Variants in GMPR observed in about 807,000 individuals in gnomAD.
GMPR encodes the protein guanosine monophosphate reductase.
In GMPR, 31 loss-of-function variants were observed where a neutral mutation model predicts 38.4. That is an observed-to-expected ratio of 0.81 (90% confidence interval 0.61 to 1.09). GMPR has a LOEUF of 1.09. Ranked by LOEUF, GMPR falls within the 50% of genes least tolerant of loss-of-function variation. The pLI, the probability that GMPR is intolerant of heterozygous loss-of-function variation, is 0.00. For missense variants in GMPR, 468 were observed against 453.7 expected, an observed-to-expected ratio of 1.03 and a Z score of -0.29; for synonymous variants, 162 against 173.3, an observed-to-expected ratio of 0.93 and a Z score of 0.51.
At chr6:16,260,087 G>C (rs895164284) in intron 4 of GMPR, among the ~76,000 whole-genome samples, 1 of 152,064 alleles carries the variant, frequency 6.6e-6, no homozygotes, top group Non-Finnish European at 1.5e-5. Context: ...GCTCAAATAG[G>C]CTGTACTTTG....
At chr6:16,250,494 C>T (rs1758850884) in intron 3 of GMPR, 127 bp downstream of exon 3, 1 of 677,450 alleles carries the variant, frequency 1.5e-6, no homozygotes, top group Admixed American at 2.3e-5. Context: ...AGCCCTGTGC[C>T]ATTGCCAGGG....
At chr6:16,272,308 G>T (rs576365484) in intron 4 of GMPR, among the ~76,000 whole-genome samples, 32 of 152,340 alleles carry the variant, frequency 2.1e-4, no homozygotes, top group Non-Finnish European at 3.7e-4. Context: ...TATATTTACA[G>T]TTCTGCACTG....
chr6:16,271,486 C>A (rs562897830), intron 4 of GMPR, among the ~76,000 whole-genome samples: 32 of 152,166 alleles, frequency 2.1e-4, no homozygotes, highest in Non-Finnish European at 3.7e-4. Context: ...GACCCTGTCT[C>A]AAAAAGAAAA....
chr6:16,276,930 G>A (rs968696532), intron 5 of GMPR, among the ~76,000 whole-genome samples: 2 of 152,194 alleles, frequency 1.3e-5, no homozygotes, highest in East Asian at 3.8e-4. Context: ...GTTATTTGAA[G>A]CTTCTTCCTT....
intron 3 of GMPR, among the ~76,000 whole-genome samples, chr6:16,250,822 G>T (rs1044643855): frequency 6.6e-6 from 1 of 151,588 alleles, no homozygotes; most frequent in African/African-American, 2.4e-5. Context: ...TGGGAGGATT[G>T]CTTGAACCCA....
chr6:16,258,322 TG>T (rs761809557), intron 4 of GMPR, among the ~76,000 whole-genome samples: 1 of 152,202 alleles, frequency 6.6e-6, no homozygotes, highest in African/African-American at 2.4e-5. Flanking sequence ...AGTTCACAGC[TG>T]GGCCTGCTGA....
intron 7 of GMPR, among the ~76,000 whole-genome samples, chr6:16,289,068 G>T (rs538578410): frequency 1.3e-5 from 2 of 152,138 alleles, no homozygotes; most frequent in Non-Finnish European, 2.9e-5. Flanking sequence ...TCTTTGGGAG[G>T]GTGATTTGTT....
intron 5 of GMPR, among the ~76,000 whole-genome samples, chr6:16,277,546 C>A (rs1219896601): frequency 6.6e-6 from 1 of 152,212 alleles, no homozygotes; most frequent in Non-Finnish European, 1.5e-5. Context: ...GTGGGTGACT[C>A]ATTCATTCTT....
intron 8 of GMPR, among the ~76,000 whole-genome samples, chr6:16,293,528 T>A (rs1759878082): frequency 6.6e-6 from 1 of 152,162 alleles, no homozygotes; most frequent in Admixed American, 6.5e-5. Flanking sequence ...CTTTTGAAAT[T>A]CTAGATAATG....
intron 4 of GMPR, among the ~76,000 whole-genome samples, chr6:16,261,375 C>T (rs1759082988): frequency 6.7e-6 from 1 of 150,008 alleles, no homozygotes; most frequent in African/African-American, 2.4e-5. Context: ...CAGTACAGCC[C>T]AGGTAATTTG....
chr6:16,265,824 ATGGAGG>A (rs1216465634), intron 4 of GMPR, among the ~76,000 whole-genome samples: 1 of 151,262 alleles, frequency 6.6e-6, no homozygotes, highest in East Asian at 1.9e-4. Flanking sequence ...CTTCCACGCC[ATGGAGG>A]TTTTCTTCGT....
intron 3 of GMPR, among the ~76,000 whole-genome samples, chr6:16,250,580 C>T (rs983861691): frequency 3.9e-5 from 6 of 152,194 alleles, no homozygotes; most frequent in Admixed American, 3.9e-4. Context: ...TCTGTTTTCC[C>T]CTGAAAGATG....
At chr6:16,243,753 A>C (rs1470929129) in intron 1 of GMPR, among the ~76,000 whole-genome samples, 1 of 152,150 alleles carries the variant, frequency 6.6e-6, no homozygotes, top group Non-Finnish European at 1.5e-5. Flanking sequence ...CCTGTGGGCT[A>C]TGCTGTTCCT....
At chr6:16,274,696 C>A (rs921745956) in intron 5 of GMPR, among the ~76,000 whole-genome samples, 200 bp downstream of exon 5, 1 of 151,904 alleles carries the variant, frequency 6.6e-6, no homozygotes, top group African/African-American at 2.4e-5. Flanking sequence ...TTTGATGCCC[C>A]CAGGGATTTT....
At chr6:16,247,097 T>C (rs1411735757) in intron 2 of GMPR, 136 bp downstream of exon 2, 1 of 774,766 alleles carries the variant, frequency 1.3e-6, no homozygotes, top group Non-Finnish European at 2.0e-6. Context: ...TGTCTTTCCC[T>C]TCAATCAGAA....
intron 4 of GMPR, among the ~76,000 whole-genome samples, chr6:16,258,726 T>C (rs936714392): frequency 2.6e-5 from 4 of 152,252 alleles, no homozygotes; most frequent in African/African-American, 9.6e-5. Flanking sequence ...CCTCCAGTAC[T>C]TTTATGTCCT....
intron 5 of GMPR, 101 bp downstream of exon 5, chr6:16,274,597 C>A: frequency 1.4e-6 from 1 of 706,174 alleles, no homozygotes. Flanking sequence ...ATGAATGACT[C>A]ATTCACAGAT....
intron 2 of GMPR, among the ~76,000 whole-genome samples, chr6:16,250,029 C>G (rs1244993716): frequency 6.6e-6 from 1 of 152,238 alleles, no homozygotes; most frequent in Non-Finnish European, 1.5e-5. Flanking sequence ...TTATCCCTCT[C>G]CTGCCTCCTG....
rs375218048 is a variant in GMPR, at chr6:16,295,213, C to T, written c.*27C>T. On this transcript the variant is annotated 3_prime_UTR_variant, in exon 9 of 9. Transcript: ENST00000259727. ...CCTGGGGACAAAGCAGCGTCTGGCT[C>T]GAGTGGAAGCGTCCAAACCTGCTTT... The T allele has an allele frequency of 1.2e-5, 18 of 1,468,636 alleles. No individual in the cohort carries two copies. Among genetic ancestry groups the T allele is most frequent in the Middle Eastern group, 4.8e-4 (2 of 4,206 alleles). The allele number at this position is 1,468,636 out of a possible 1,614,324, so 91.0% of individuals were successfully genotyped here.
Sources: allele counts gnomAD v4.1 joint callset (sites outside exome capture counted in the v4.1 genomes callset), GRCh38; gene constraint gnomAD v4.1.1; transcripts MANE v1.5; gene names NCBI Gene and HGNC (gene_info 2026-07-23, HGNC 2026-07-21).